Variants in ASPA observed in about 807,000 individuals in gnomAD.
ASPA encodes ACY-2.
In ASPA, 25 loss-of-function variants were observed where a neutral mutation model predicts 29.6. The observed-to-expected ratio is 0.85, with a 90% CI of 0.62 to 1.18. The LOEUF is 1.18. Ranked by LOEUF, ASPA falls within the 50% of genes most tolerant of loss-of-function variation. The pLI is 0.00. For synonymous variants in ASPA, 131 were observed against 130.3 expected (o/e 1.01, Z -0.04); for missense variants, 333 against 385.7 (o/e 0.86, Z 1.14).
intron 2 of ASPA, 142 bp downstream of exon 2, chr17:3,481,940 G>T: frequency 2.6e-6 from 2 of 765,478 alleles, no homozygotes; most frequent in East Asian, 5.5e-5. Context: ...TTGGTGGTTG[G>T]GGGGAAAGGG....
At chr17:3,481,377 G>A (rs922691027) in intron 1 of ASPA, among the ~76,000 whole-genome samples, 1 of 152,122 alleles carries the variant, frequency 6.6e-6, no homozygotes, top group African/African-American at 2.4e-5. Context: ...ATAAATGCAC[G>A]TATTACTTCG....
In ASPA at chr17:3,481,708, C is replaced by A. The variant is rs2150746796; in HGVS notation, c.342C>A (p.Asp114Glu). 2 of 1,613,750 alleles carry A rather than the reference C, an allele frequency of 1.2e-6. No homozygotes were observed. The highest frequency in any genetic ancestry group is 1.7e-4 in the Middle Eastern group (1 of 6,030). Residue 114 changes from aspartate to glutamate, a missense_variant, in exon 2 of 6, where the codon GAC (aspartate) becomes GAA (glutamate). Physicochemically the swap from Asp to Glu is conservative, Grantham distance 45. Coordinates refer to ENST00000263080, the MANE Select transcript of ASPA (RefSeq NM_000049.4). ...AAGATTCCTATGACATTATTTTTGA[C>A]CTTCACAACACCACCTCTAACATGG... ...DSEDSYDIIF[D>E]LHNTTSNMGC...
intron 5 of ASPA, among the ~76,000 whole-genome samples, chr17:3,498,292 A>C (rs2073941387): frequency 6.6e-6 from 1 of 152,184 alleles, no homozygotes; most frequent in South Asian, 2.1e-4. Flanking sequence ...TTTGCCTTTT[A>C]ATATTATAAA....
intron 3 of ASPA, among the ~76,000 whole-genome samples, chr17:3,486,599 TTC>T (rs2073726694): frequency 6.6e-6 from 1 of 152,208 alleles, no homozygotes; most frequent in African/African-American, 2.4e-5. Flanking sequence ...CTCTAGTCCA[TTC>T]TCTTTCTTGA....
rs538467943 is a variant in ASPA at position 3,476,108 on chromosome 17, C to T, written c.-52C>T. 87 of 1,531,606 alleles carry T rather than the reference C, an allele frequency of 5.7e-5. No homozygotes were observed. In the East Asian group the frequency reaches 1.7e-3, roughly 29 times the overall value. The allele number at this position is 1,531,606 out of a possible 1,614,324, so 94.9% of individuals were successfully genotyped here. ...AACCTTTCTTAAGAAAATCGAATTTCCTTTGATCTCTCTTCTGAATTGCAG... is the reference window on the plus strand; with the variant it reads ...AACCTTTCTTAAGAAAATCGAATTTTCTTTGATCTCTCTTCTGAATTGCAG... On this transcript the variant is annotated 5_prime_UTR_variant, in exon 1 of 6. Transcript: ENST00000263080.
At chr17:3,497,389 G>A (rs547198635) in intron 5 of ASPA, among the ~76,000 whole-genome samples, 1 of 152,340 alleles carries the variant, frequency 6.6e-6, no homozygotes, top group South Asian at 2.1e-4. Flanking sequence ...TGGGTAGCAT[G>A]AGGGATTCGA....
intron 1 of ASPA, 101 bp from the exon 2 acceptor site, chr17:3,481,502 A>T: frequency 1.8e-6 from 2 of 1,090,144 alleles, no homozygotes; most frequent in Non-Finnish European, 1.3e-6. Flanking sequence ...TTTTCATATT[A>T]AAGATTTGGC....
chr17:3,496,797 T>G (rs946766869), intron 5 of ASPA, among the ~76,000 whole-genome samples: 1 of 152,188 alleles, frequency 6.6e-6, no homozygotes, highest in African/African-American at 2.4e-5. Flanking sequence ...CCAGGAGCGG[T>G]GGCTCACGCC....
Position 3,499,337 on chromosome 17 carries a change from T to A in ASPA, c.*249T>A. 1 of 321,604 alleles carries A rather than the reference T, an allele frequency of 3.1e-6. No individual in the cohort carries two copies. The highest frequency in any genetic ancestry group is 5.6e-6 in the Non-Finnish European group (1 of 179,080). The allele number at this position is 321,604 out of a possible 1,614,324, so 19.9% of individuals were successfully genotyped here. A position where few individuals can be genotyped will look rare whatever the true frequency, so the allele number is the denominator to read the frequency against. ...TAGTTTATTATACATGATACTTGGGTAGCTCAACATTCTTAATAAACAGCC... is the reference window on the plus strand; with the variant it reads ...TAGTTTATTATACATGATACTTGGGAAGCTCAACATTCTTAATAAACAGCC... On this transcript the variant is annotated 3_prime_UTR_variant, in exon 6 of 6. Transcript: ENST00000263080.
chr17:3,481,627 A>G lies in ASPA; in HGVS notation c.261A>G (p.Pro87=). 2.5e-6 allele frequency: 4 copies of G among 1,613,762 alleles called. No individual in the cohort carries two copies. The highest frequency in any genetic ancestry group is 3.4e-6 in the Non-Finnish European group (4 of 1,179,912). The change falls in exon 2 of 6, where the codon CCA becomes CCG. Residue 87 remains proline, a synonymous_variant. Coordinates refer to ENST00000263080, the MANE Select transcript of ASPA (RefSeq NM_000049.4). ...GCAAAAAAATGTCAGAAGATTTGCC[A>G]TATGAAGTGAGAAGGGCTCAAGAAA... ...NLGKKMSEDL[P]YEVRRAQEIN... is the part of the protein sequence containing the mutation.
chr17:3,500,744 T>A lies in ASPA; in HGVS notation c.*1656T>A, dbSNP rs2073980068. ...TGGTCTCGATCTCCTGACCTCATGA[T>A]CCGCCTGCCTCGGCCTCCCAAAGTG... On this transcript the variant is annotated 3_prime_UTR_variant, in exon 6 of 6. Transcript: ENST00000263080. The A allele has an allele frequency of 6.6e-6, 1 of 151,996 alleles. No individual in the cohort carries two copies. Among genetic ancestry groups the A allele is most frequent in the Non-Finnish European group, 1.5e-5 (1 of 68,024 alleles). The allele number at this position is 151,996 out of a possible 1,614,324, so 9.4% of individuals were successfully genotyped here.
At chr17:3,494,223 C>T (rs898690999) in intron 4 of ASPA, 127 bp from the exon 5 acceptor site, 5 of 700,064 alleles carry the variant, frequency 7.1e-6, no homozygotes, top group South Asian at 1.4e-5. Flanking sequence ...AGGCTGTTCT[C>T]GAACTCCTGA....
intron 1 of ASPA, 95 bp from the exon 2 acceptor site, chr17:3,481,508 T>C: frequency 8.7e-7 from 1 of 1,147,886 alleles, no homozygotes; most frequent in Non-Finnish European, 1.2e-6. Context: ...TATTAAAGAT[T>C]TGGCGACTGG....
chr17:3,496,642 A>G (rs560842892), intron 5 of ASPA, among the ~76,000 whole-genome samples: 2 of 152,318 alleles, frequency 1.3e-5, no homozygotes, highest in African/African-American at 4.8e-5. Flanking sequence ...TAAGAATGAC[A>G]GTTCTTACTA....
intron 3 of ASPA, among the ~76,000 whole-genome samples, chr17:3,483,797 G>A (rs1470746651): frequency 6.6e-6 from 1 of 152,030 alleles, no homozygotes; most frequent in Non-Finnish European, 1.5e-5. Flanking sequence ...CTAGTAGCTG[G>A]GATTACAGGC....
intron 5 of ASPA, among the ~76,000 whole-genome samples, chr17:3,497,641 T>C (rs950730966): frequency 6.6e-6 from 1 of 152,202 alleles, no homozygotes; most frequent in African/African-American, 2.4e-5. Flanking sequence ...CAAGCGATCA[T>C]AATGTGCCAC....
chr17:3,494,037 ATTT>A (rs5818896), intron 4 of ASPA, among the ~76,000 whole-genome samples: 22 of 137,232 alleles, frequency 1.6e-4, no homozygotes, highest in South Asian at 2.4e-4. Flanking sequence ...CTTTTTCCAG[ATTT>A]TTTTTTTTTT....
At chr17:3,480,643 A>G (rs2073611512) in intron 1 of ASPA, among the ~76,000 whole-genome samples, 2 of 152,236 alleles carry the variant, frequency 1.3e-5, no homozygotes, top group African/African-American at 4.8e-5. Context: ...CTCCAGCTGC[A>G]TGACTCCTAA....
At chr17:3,496,145 G>T (rs536028144) in intron 5 of ASPA, among the ~76,000 whole-genome samples, 1 of 152,274 alleles carries the variant, frequency 6.6e-6, no homozygotes, top group South Asian at 2.1e-4. Flanking sequence ...ATAATGAATG[G>T]CTCAGTATTC....
Sources: gnomAD v4.1 joint callset for allele counts (sites outside exome capture counted in the v4.1 genomes callset) on GRCh38, gnomAD v4.1.1 for gene constraint, MANE v1.5 for transcripts, NCBI Gene and HGNC (gene_info 2026-07-23, HGNC 2026-07-21) for gene names.